The following DGKH variants were observed in gnomAD, a reference collection of about 807,000 sequenced individuals.
The protein encoded by DGKH is DAG kinase eta.
A neutral mutation model predicts 159.3 loss-of-function variants in DGKH; 90 were observed. The observed-to-expected ratio is 0.57, with a 90% confidence interval of 0.48 to 0.67. The LOEUF (loss-of-function observed/expected upper bound fraction) is 0.67. DGKH is among the 30% of genes least tolerant of loss of function. The pLI is 0.00. For synonymous variants in DGKH, 536 were observed against 553.8 expected (o/e 0.97, Z 0.45); for missense variants, 1,181 against 1,506.1 (o/e 0.78, Z 3.57).
At chr13:42,178,267 T>G in intron 13 of DGKH, 47 bp downstream of exon 13, 1 of 1,426,928 alleles carries the variant, frequency 7.0e-7, no homozygotes, top group South Asian at 1.4e-5. Flanking sequence ...AATGAAATGA[T>G]AGCTGGCTCC....
At chr13:42,124,212 T>C (rs1438329658) in intron 1 of DGKH, among the ~76,000 whole-genome samples, 2 of 152,178 alleles carry the variant, frequency 1.3e-5, no homozygotes, top group Non-Finnish European at 2.9e-5. Context: ...CTTTCTGGTA[T>C]AAATGTCACA....
intron 1 of DGKH, among the ~76,000 whole-genome samples, chr13:42,117,406 T>G (rs1954985362): frequency 6.6e-6 from 1 of 152,236 alleles, no homozygotes; most frequent in Non-Finnish European, 1.5e-5. Flanking sequence ...AATTAATCAC[T>G]TTTTGGTTAT....
chr13:42,246,790 G>A (rs915495812), downstream of DGKH, among the ~76,000 whole-genome samples: 3 of 152,114 alleles, frequency 2.0e-5, no homozygotes, highest in African/African-American at 7.2e-5. Context: ...TGAGAGGAAG[G>A]CCACAAATGA....
chr13:42,177,358 A>G (rs207473712), intron 12 of DGKH, among the ~76,000 whole-genome samples: 8 of 152,232 alleles, frequency 5.3e-5, no homozygotes, highest in Non-Finnish European at 1.2e-4. Flanking sequence ...TGGCTTGGCT[A>G]TAAATCATTC....
intron 1 of DGKH, among the ~76,000 whole-genome samples, chr13:42,061,118 C>T (rs1319820917): frequency 6.6e-6 from 1 of 152,076 alleles, no homozygotes; most frequent in African/African-American, 2.4e-5. Flanking sequence ...TTTTATAGTC[C>T]CGTTTGAGGA....
chr13:42,213,968 G>A (rs347417), intron 24 of DGKH, among the ~76,000 whole-genome samples: 150,095 of 152,294 alleles, frequency 0.99, 74,000 homozygotes, highest in Middle Eastern at 1. Flanking sequence ...ACGATTTACT[G>A]GCTCTGTATG....
chr13:42,153,252 A>C (rs1955961193), intron 3 of DGKH, among the ~76,000 whole-genome samples: 1 of 152,350 alleles, frequency 6.6e-6, no homozygotes, highest in African/African-American at 2.4e-5. Context: ...CACAAAGAAA[A>C]ATTAGAAGCT....
At chr13:42,045,497 T>TA (rs1362185970), upstream of DGKH, among the ~76,000 whole-genome samples, 1 of 152,230 alleles carries the variant, frequency 6.6e-6, no homozygotes, top group Admixed American at 6.5e-5. Context: ...TTGCCTCAGA[T>TA]ACGAGGATGA....
Position 42,209,465 on chromosome 13 carries a change from A to G in DGKH, c.2850A>G (p.Arg950=). 1 of 1,588,708 alleles carries G rather than the reference A, an allele frequency of 6.3e-7. No homozygotes were observed. Among genetic ancestry groups the G allele is most frequent in the Non-Finnish European group, 8.5e-7 (1 of 1,171,384 alleles). ...KNRAQMLTRD[R]AFESTLKSWE... is the part of the protein sequence containing the mutation. ...GAGCACAAATGCTAACAAGGGACAG[A>G]GTATGTAACAAAAACATTCTTCTAG... is the stretch of plus-strand genomic sequence containing the variant. Residue 950 remains arginine, a splice_region_variant and synonymous_variant, in exon 23 of 30, where the codon AGA becomes AGG. Coordinates refer to ENST00000337343, the MANE Select transcript of DGKH (RefSeq NM_178009.5).
At chr13:42,098,878 G>A (rs1954596854) in intron 1 of DGKH, among the ~76,000 whole-genome samples, 1 of 152,148 alleles carries the variant, frequency 6.6e-6, no homozygotes, top group Admixed American at 6.5e-5. Flanking sequence ...AATATGAAAG[G>A]ACACATTCCG....
chr13:42,160,006 C>T lies in DGKH; in HGVS notation c.730-5C>T, dbSNP rs1594116781. On this transcript the variant is annotated splice_polypyrimidine_tract_variant and splice_region_variant and intron_variant, in intron 6 of 29. Transcript: ENST00000337343. ...ACCTGGCTGCCCTTTCTTCCTTCTC[C>T]ACAGGTCGCGATGCCTCACCAGTGG... 1 of 1,614,174 alleles carries T rather than the reference C, an allele frequency of 6.2e-7. No homozygotes were observed. The highest frequency in any genetic ancestry group is 2.2e-5 in the East Asian group (1 of 44,884).
In DGKH at chr13:42,155,545, T is replaced by G. The variant is rs541664420; in HGVS notation, c.490-122T>G. 1.4e-5 allele frequency: 22 copies of G among 1,547,310 alleles called. No individual in the cohort carries two copies. In the African/African-American group the frequency reaches 3.0e-4, roughly 21 times the overall value. ...TTGAAATTCTTATCTTAAAGCAAAG[T>G]GCTTTGGTTTTAAAAATGATGGATT... On this transcript the variant is annotated intron_variant, in intron 4 of 29. Transcript: ENST00000337343.
intron 3 of DGKH, among the ~76,000 whole-genome samples, chr13:42,154,548 G>T (rs954805148): frequency 6.6e-6 from 1 of 152,088 alleles, no homozygotes; most frequent in African/African-American, 2.4e-5. Flanking sequence ...AAAGATAAAA[G>T]TCGCAATTCT....
intron 1 of DGKH, among the ~76,000 whole-genome samples, chr13:42,052,778 G>T (rs1881417358): frequency 6.6e-6 from 1 of 152,190 alleles, no homozygotes; most frequent in Non-Finnish European, 1.5e-5. Flanking sequence ...CAGGCTTACA[G>T]CCTAGGATTG....
At chr13:42,069,692 A>C (rs1882827068) in intron 1 of DGKH, 1 of 1,171,540 alleles carries the variant, frequency 8.5e-7, no homozygotes, top group Non-Finnish European at 1.2e-6. Context: ...TTGGGTTCAT[A>C]GTAACAGTTA....
At chr13:42,221,476 T>C in intron 29 of DGKH, 82 bp downstream of exon 29, 1 of 1,554,902 alleles carries the variant, frequency 6.4e-7, no homozygotes, top group South Asian at 1.2e-5. Flanking sequence ...TGATACTTGC[T>C]TTTAGCTTCG....
chr13:42,229,292 C>A lies in DGKH; in HGVS notation c.*104C>A. The A allele has an allele frequency of 1.0e-6, 1 of 957,314 alleles. No individual in the cohort carries two copies. The highest frequency in any genetic ancestry group is 1.6e-6 in the Non-Finnish European group (1 of 638,970). 59.3% of individuals were successfully genotyped at this position (957,314 alleles called of 1,614,324 possible). Reference sequence around the variant, plus strand: ...AGTTTTCTGCATAGATAAGTAAGCACCACTGAAGCACCTCTGTGGCTTGAT... The same window carrying A: ...AGTTTTCTGCATAGATAAGTAAGCAACACTGAAGCACCTCTGTGGCTTGAT... On this transcript the variant is annotated 3_prime_UTR_variant, in exon 30 of 30. Transcript: ENST00000337343.
chr13:42,166,333 A>G (rs1316704062), intron 8 of DGKH, among the ~76,000 whole-genome samples, 182 bp from the exon 9 acceptor site: 2 of 152,164 alleles, frequency 1.3e-5, no homozygotes, highest in African/African-American at 2.4e-5. Flanking sequence ...GAATATGAAC[A>G]TAAGAATTAC....
At chr13:42,228,703 T>C (rs202082309) in intron 29 of DGKH, among the ~76,000 whole-genome samples, 1 of 150,172 alleles carries the variant, frequency 6.7e-6, no homozygotes, top group Non-Finnish European at 1.5e-5. Flanking sequence ...AGAGATGAAA[T>C]AAAGAAAGAA....
Sources: allele counts gnomAD v4.1 joint callset (sites outside exome capture counted in the v4.1 genomes callset), GRCh38; gene constraint gnomAD v4.1.1; transcripts MANE v1.5; gene names NCBI Gene and HGNC (gene_info 2026-07-23, HGNC 2026-07-21).